Variants in XYLT1 observed in about 807,000 individuals in gnomAD.
XYLT1 encodes the protein xylosyltransferase 1, also known as beta-D-xylosyltransferase 1.
Under a neutral mutation model 91.3 loss-of-function variants are expected in XYLT1, and 36 were observed. That is an observed-to-expected ratio of 0.39 (90% CI 0.30 to 0.52). The LOEUF (loss-of-function observed/expected upper bound fraction) is 0.52. Ranked by LOEUF, XYLT1 falls within the 20% of genes least tolerant of loss-of-function variation. The probability of loss-of-function intolerance (pLI) is 0.68; values close to 1 mark genes in which losing one functional copy is unlikely to be tolerated. For missense variants in XYLT1, 1,242 were observed against 1,284.5 expected (o/e 0.97, Z 0.51); for synonymous variants, 588 against 532.0 (o/e 1.11, Z -1.45).
rs926393395 is a variant in XYLT1 at position 17,108,608 on chromosome 16, G to T, written c.*87C>A. 21 of 1,300,126 alleles carry T rather than the reference G, an allele frequency of 1.6e-5. No homozygotes were observed. Among genetic ancestry groups the T allele is most frequent in the Non-Finnish European group, 2.2e-5 (21 of 970,234 alleles). 80.5% of individuals were successfully genotyped at this position (1,300,126 alleles called of 1,614,324 possible). A position where few individuals can be genotyped will look rare whatever the true frequency, so the allele number is the denominator to read the frequency against. On this transcript the variant is annotated 3_prime_UTR_variant, in exon 12 of 12. Transcript: ENST00000261381. ...ACCCATTCACAGAGGGCCTCCCCCA[G>T]GGTGGGAGGCCGGGGTTCAGGCCCC... is the stretch of plus-strand genomic sequence containing the variant.
chr16:17,178,855 A>T (rs2141565580), intron 5 of XYLT1, among the ~76,000 whole-genome samples: 1 of 152,284 alleles, frequency 6.6e-6, no homozygotes, highest in South Asian at 2.1e-4. Context: ...AGATGGCTTG[A>T]GCCCAGGAGT....
At chr16:17,388,035 G>T (rs2035768061) in intron 1 of XYLT1, among the ~76,000 whole-genome samples, 1 of 152,182 alleles carries the variant, frequency 6.6e-6, no homozygotes, top group African/African-American at 2.4e-5. Context: ...AATAGCCTAA[G>T]TTGAAAATGC....
intron 8 of XYLT1, 40 bp from the exon 9 acceptor site, chr16:17,134,775 G>A (rs185080010): frequency 1.4e-5 from 22 of 1,605,986 alleles, no homozygotes; most frequent in East Asian, 6.7e-5. Context: ...CCACATCAGC[G>A]AGTGCTGGGG....
At chr16:17,262,476 A>C (rs1037125134) in intron 2 of XYLT1, among the ~76,000 whole-genome samples, 3 of 152,204 alleles carry the variant, frequency 2.0e-5, no homozygotes, top group Admixed American at 6.5e-5. Flanking sequence ...GCAGTGGAAT[A>C]ATGGGTATCA....
At chr16:17,451,534 C>T (rs1466671505) in intron 1 of XYLT1, among the ~76,000 whole-genome samples, 3 of 152,172 alleles carry the variant, frequency 2.0e-5, no homozygotes, top group African/African-American at 7.2e-5. Flanking sequence ...ACCTAGTAGG[C>T]TCTTGGTAAA....
chr16:17,209,325 T>G (rs944663479), intron 3 of XYLT1, among the ~76,000 whole-genome samples: 1 of 152,248 alleles, frequency 6.6e-6, no homozygotes, highest in African/African-American at 2.4e-5. Flanking sequence ...TCGTAGCCTA[T>G]GTCAGAATTT....
At chr16:17,256,660 CA>C (rs397820604) in intron 3 of XYLT1, among the ~76,000 whole-genome samples, 1 of 147,218 alleles carries the variant, frequency 6.8e-6, no homozygotes, top group East Asian at 2.0e-4. Context: ...AAAAAAAAAA[CA>C]AAAAAAAGAG....
intron 3 of XYLT1, among the ~76,000 whole-genome samples, chr16:17,209,513 C>T (rs2032720325): frequency 6.6e-6 from 1 of 152,138 alleles, no homozygotes; most frequent in Non-Finnish European, 1.5e-5. Flanking sequence ...GGAGTATATT[C>T]CCAGAAATGG....
chr16:17,448,203 A>G (rs2036617522), intron 1 of XYLT1, among the ~76,000 whole-genome samples: 1 of 152,164 alleles, frequency 6.6e-6, no homozygotes, highest in Non-Finnish European at 1.5e-5. Context: ...CCCCATCTCT[A>G]CTAAAAATAC....
chr16:17,330,881 G>A (rs1043914679), intron 2 of XYLT1, among the ~76,000 whole-genome samples: 7 of 152,194 alleles, frequency 4.6e-5, no homozygotes, highest in Non-Finnish European at 1.0e-4. Context: ...GCGCATATCA[G>A]GTGGCGTTTG....
chr16:17,161,677 GCTCTCTCT>G (rs10676460), intron 5 of XYLT1, among the ~76,000 whole-genome samples: 1 of 148,896 alleles, frequency 6.7e-6, no homozygotes, highest in Non-Finnish European at 1.5e-5. Context: ...TTTCTCGCGC[GCTCTCTCT>G]CTCTCTCTCT....
At chr16:17,335,756 T>C (rs914176525) in intron 2 of XYLT1, among the ~76,000 whole-genome samples, 1 of 151,886 alleles carries the variant, frequency 6.6e-6, no homozygotes, top group Admixed American at 6.6e-5. Context: ...ATCCATGTAA[T>C]GTCTGTTGTT....
At chr16:17,300,502 T>A (rs1432875523) in intron 2 of XYLT1, among the ~76,000 whole-genome samples, 3 of 133,562 alleles carry the variant, frequency 2.2e-5, no homozygotes, top group Admixed American at 8.3e-5. Context: ...TGTTACCCAG[T>A]CTGGAGTGCA....
chr16:17,219,967 C>T (rs1477319650), intron 3 of XYLT1, among the ~76,000 whole-genome samples: 1 of 152,114 alleles, frequency 6.6e-6, no homozygotes, highest in African/African-American at 2.4e-5. Flanking sequence ...ATAAGAACCT[C>T]TCTGAATGAA....
At chr16:17,226,336 C>G (rs961972101) in intron 3 of XYLT1, among the ~76,000 whole-genome samples, 1 of 152,132 alleles carries the variant, frequency 6.6e-6, no homozygotes, top group Non-Finnish European at 1.5e-5. Context: ...GCCTCAGGGC[C>G]GTAGTACCCT....
chr16:17,261,587 A>G (rs2033723259), intron 2 of XYLT1, among the ~76,000 whole-genome samples: 1 of 152,200 alleles, frequency 6.6e-6, no homozygotes, highest in South Asian at 2.1e-4. Context: ...CTGCAAGCTG[A>G]CACTGAACCA....
chr16:17,294,388 T>C (rs1271986993), intron 2 of XYLT1, among the ~76,000 whole-genome samples: 5 of 152,206 alleles, frequency 3.3e-5, no homozygotes, highest in African/African-American at 7.2e-5. Flanking sequence ...GGCATGTTAC[T>C]GCTCGAAAGT....
chr16:17,137,482 C>T (rs891313012), intron 8 of XYLT1: 2 of 152,270 alleles, frequency 1.3e-5, no homozygotes, highest in African/African-American at 4.8e-5. Flanking sequence ...CTTAACCATT[C>T]AGTGGCACTC....
chr16:17,422,697 G>A (rs1451829531), intron 1 of XYLT1, among the ~76,000 whole-genome samples: 7 of 151,978 alleles, frequency 4.6e-5, no homozygotes, highest in African/African-American at 9.7e-5. Context: ...TAGTAGAGAC[G>A]GGGTTTCACC....
Sources: gnomAD v4.1 joint callset for allele counts (sites outside exome capture counted in the v4.1 genomes callset) on GRCh38, gnomAD v4.1.1 for gene constraint, MANE v1.5 for transcripts, NCBI Gene and HGNC (gene_info 2026-07-23, HGNC 2026-07-21) for gene names.